The following NAV3 variants were observed in gnomAD, a reference collection of about 807,000 sequenced individuals.
NAV3 encodes the protein neuron navigator 3.
NAV3 carries 87 observed loss-of-function variants against 244.7 expected under a neutral mutation model. The ratio of observed to expected loss-of-function variants is 0.36; its 90% CI spans 0.30 to 0.42. The LOEUF (loss-of-function observed/expected upper bound fraction) is 0.42. NAV3 is among the 20% of genes least tolerant of loss of function. NAV3 has a pLI of 1.00. For missense variants in NAV3, 2,663 were observed against 2,893.3 expected, an observed-to-expected ratio of 0.92 and a Z score of 1.83; for synonymous variants, 1,126 against 1,042.2, an observed-to-expected ratio of 1.08 and a Z score of -1.55.
chr12:77,966,101 T>A, intron 3 of NAV3, 128 bp from the exon 4 acceptor site: 1 of 811,742 alleles, frequency 1.2e-6, no homozygotes, highest in Admixed American at 2.4e-5. Context: ...AAACTCTGGT[T>A]AAGACTTCTA....
At chr12:77,903,961 C>G (rs1330611230) in intron 1 of NAV3, among the ~76,000 whole-genome samples, 8 of 151,932 alleles carry the variant, frequency 5.3e-5, no homozygotes, top group African/African-American at 1.5e-4. Flanking sequence ...TCTCACACCA[C>G]CTAGAATGGC....
At chr12:77,750,956 A>G (rs1232268117) in intron 2 of NAV3, among the ~76,000 whole-genome samples, 1 of 152,180 alleles carries the variant, frequency 6.6e-6, no homozygotes, top group Non-Finnish European at 1.5e-5. Flanking sequence ...TACAAGACTT[A>G]TTCTTATTTG....
intron 2 of NAV3, among the ~76,000 whole-genome samples, chr12:77,576,642 C>A (rs73133952): frequency 2.2e-3 from 337 of 152,016 alleles, no homozygotes; most frequent in Middle Eastern, 0.01. Flanking sequence ...ACATCATATA[C>A]AAGTCAAAAA....
intron 2 of NAV3, among the ~76,000 whole-genome samples, chr12:77,625,731 C>T (rs981019219): frequency 7.2e-5 from 11 of 152,152 alleles, no homozygotes; most frequent in African/African-American, 1.9e-4. Context: ...CACTATTGCA[C>T]CCATCCCTAA....
At chr12:77,719,411 T>A (rs1465945258) in intron 2 of NAV3, among the ~76,000 whole-genome samples, 1 of 152,084 alleles carries the variant, frequency 6.6e-6, no homozygotes, top group African/African-American at 2.4e-5. Flanking sequence ...AGTTTTTTTT[T>A]TTTTGACAGT....
intron 2 of NAV3, among the ~76,000 whole-genome samples, chr12:77,668,627 C>A (rs2032774514): frequency 6.6e-6 from 1 of 151,960 alleles, no homozygotes; most frequent in African/African-American, 2.4e-5. Context: ...ATGAGTAAAG[C>A]CTCCAAGAAG....
intron 2 of NAV3, among the ~76,000 whole-genome samples, chr12:77,578,693 A>C (rs1869208582): frequency 1.3e-5 from 2 of 152,186 alleles, no homozygotes; most frequent in South Asian, 4.1e-4. Context: ...GTGCATACCC[A>C]GACTAATGAT....
chr12:77,800,905 T>C (rs1182885543), intron 2 of NAV3, among the ~76,000 whole-genome samples: 4 of 152,120 alleles, frequency 2.6e-5, no homozygotes, highest in African/African-American at 9.7e-5. Flanking sequence ...ACACTCTTCA[T>C]CACTTTTAAG....
chr12:78,156,067 C>T (rs560190810), intron 22 of NAV3, among the ~76,000 whole-genome samples: 2 of 152,112 alleles, frequency 1.3e-5, no homozygotes, highest in East Asian at 1.9e-4. Context: ...AAAATCTTTG[C>T]CCTTACCTAT....
chr12:78,015,884 A>G (rs1876116229), intron 8 of NAV3, among the ~76,000 whole-genome samples: 1 of 152,030 alleles, frequency 6.6e-6, no homozygotes, highest in South Asian at 2.1e-4. Context: ...AAAGAGATGT[A>G]TTTTCTCCCC....
intron 1 of NAV3, among the ~76,000 whole-genome samples, chr12:77,916,924 C>A (rs1887204350): frequency 6.6e-6 from 1 of 151,812 alleles, no homozygotes; most frequent in South Asian, 2.1e-4. Context: ...TACCAGGAGA[C>A]ATAAAAAACA....
At chr12:78,176,684 G>T (rs145693309) in intron 26 of NAV3, among the ~76,000 whole-genome samples, 1 of 152,048 alleles carries the variant, frequency 6.6e-6, no homozygotes, top group Non-Finnish European at 1.5e-5. Flanking sequence ...GTAGTCTGGG[G>T]TTGGAAAATT....
At chr12:77,915,945 G>A (rs1887100305) in intron 1 of NAV3, among the ~76,000 whole-genome samples, 1 of 151,988 alleles carries the variant, frequency 6.6e-6, no homozygotes, top group Non-Finnish European at 1.5e-5. Context: ...AAGTAATCAG[G>A]AGACAAAGTT....
At chr12:78,209,045 TA>T (rs1263322277) in intron 39 of NAV3, among the ~76,000 whole-genome samples, 1 of 152,182 alleles carries the variant, frequency 6.6e-6, no homozygotes, top group Non-Finnish European at 1.5e-5. Context: ...TTACTGGGTT[TA>T]AAAAGTTATC....
intron 2 of NAV3, among the ~76,000 whole-genome samples, chr12:77,703,043 G>T (rs1875631966): frequency 6.6e-6 from 1 of 151,852 alleles, no homozygotes; most frequent in Admixed American, 6.6e-5. Context: ...CAGGTTTATT[G>T]AGGCTTAATG....
At chr12:78,036,684 T>C (rs1879942559) in intron 9 of NAV3, 2 of 528,020 alleles carry the variant, frequency 3.8e-6, no homozygotes, top group East Asian at 5.7e-5. Context: ...AAGTGATGTG[T>C]CAAGCTAAAT....
At chr12:77,636,590 A>C (rs796194692) in intron 2 of NAV3, among the ~76,000 whole-genome samples, 4 of 152,218 alleles carry the variant, frequency 2.6e-5, no homozygotes, top group African/African-American at 9.6e-5. Context: ...CAGTGGGGCG[A>C]TTCCTCAAGG....
intron 22 of NAV3, among the ~76,000 whole-genome samples, chr12:78,152,861 C>A (rs1957129640): frequency 6.6e-6 from 1 of 151,834 alleles, no homozygotes; most frequent in Admixed American, 6.6e-5. Context: ...AAACTTTCTA[C>A]CTTTTGGTTA....
At chr12:78,173,542 C>CA (rs1253555369) in intron 24 of NAV3, among the ~76,000 whole-genome samples, 1 of 150,774 alleles carries the variant, frequency 6.6e-6, no homozygotes, top group Non-Finnish European at 1.5e-5. Context: ...AATACCTACA[C>CA]ATATTCTTCT....
Sources: allele counts gnomAD v4.1 joint callset (sites outside exome capture counted in the v4.1 genomes callset), GRCh38; gene constraint gnomAD v4.1.1; transcripts MANE v1.5; gene names NCBI Gene and HGNC (gene_info 2026-07-23, HGNC 2026-07-21).